VOPP1: variants seen among roughly 807,000 people sequenced by gnomAD.
VOPP1 encodes WW domain binding protein VOPP1.
A neutral mutation model predicts 23.5 loss-of-function variants in VOPP1; 8 were observed. The ratio of observed to expected loss-of-function variants is 0.34; its 90% CI spans 0.20 to 0.61. The LOEUF is 0.61. Among genes scored for constraint, VOPP1 ranks in the 20% least tolerant of loss-of-function variants. The pLI is 0.78. For missense variants in VOPP1, 174 were observed against 238.1 expected (o/e 0.73, Z 1.77); for synonymous variants, 83 against 97.3 (o/e 0.85, Z 0.86).
chr7:55,565,685 A>T (rs1238442473), intron 1 of VOPP1, among the ~76,000 whole-genome samples: 2 of 152,272 alleles, frequency 1.3e-5, no homozygotes, highest in Non-Finnish European at 2.9e-5. Flanking sequence ...GATTAGCAGC[A>T]GCACATGTTA....
intron 4 of VOPP1, among the ~76,000 whole-genome samples, chr7:55,452,539 T>A (rs545166672): frequency 6.6e-6 from 1 of 152,342 alleles, no homozygotes; most frequent in South Asian, 2.1e-4. Context: ...GGAATCACTA[T>A]CTATGACAGC....
At chr7:55,526,558 G>A (rs535619227) in intron 1 of VOPP1, among the ~76,000 whole-genome samples, 35 of 152,306 alleles carry the variant, frequency 2.3e-4, no homozygotes, top group Middle Eastern at 6.8e-3. Flanking sequence ...ACTGAAGCTC[G>A]TGACTCTGGG....
At chr7:55,440,257 G>T (rs1790930991) in intron 4 of VOPP1, among the ~76,000 whole-genome samples, 2 of 152,212 alleles carry the variant, frequency 1.3e-5, no homozygotes, top group South Asian at 4.1e-4. Flanking sequence ...GCTGGCCGGG[G>T]TGGCTCATGT....
intron 1 of VOPP1, among the ~76,000 whole-genome samples, chr7:55,559,422 C>T (rs1164154354): frequency 3.3e-5 from 5 of 152,170 alleles, no homozygotes; most frequent in Non-Finnish European, 7.4e-5. Context: ...GGCCGACCAA[C>T]AGGCCACCAC....
At chr7:55,495,201 C>T (rs944882665) in intron 3 of VOPP1, among the ~76,000 whole-genome samples, 2 of 152,084 alleles carry the variant, frequency 1.3e-5, no homozygotes, top group Admixed American at 1.3e-4. Context: ...AGTTCTCACT[C>T]GGGCCCACTG....
At chr7:55,537,731 G>A (rs1455770418) in intron 1 of VOPP1, 47 of 1,405,030 alleles carry the variant, frequency 3.3e-5, no homozygotes, top group East Asian at 1.8e-4. Context: ...AGAAGCCAGC[G>A]CTTGTGACAG....
At chr7:55,466,771 G>C (rs530115769), downstream of VOPP1, among the ~76,000 whole-genome samples, 29 of 152,286 alleles carry the variant, frequency 1.9e-4, no homozygotes, top group African/African-American at 7.0e-4. Flanking sequence ...GAGATTACAA[G>C]TGTGAGCCAC....
At chr7:55,507,299 C>G (rs1794791634) in intron 2 of VOPP1, among the ~76,000 whole-genome samples, 1 of 152,174 alleles carries the variant, frequency 6.6e-6, no homozygotes, top group Admixed American at 6.5e-5. Context: ...GGGCTGAGAA[C>G]CAAAGACCTA....
At chr7:55,450,286 G>C (rs1791211116) in intron 4 of VOPP1, among the ~76,000 whole-genome samples, 1 of 151,984 alleles carries the variant, frequency 6.6e-6, no homozygotes, top group East Asian at 1.9e-4. Context: ...CTTCTCTTGG[G>C]TGTCCCCAGC....
chr7:55,494,125 C>T (rs532387826), intron 3 of VOPP1, among the ~76,000 whole-genome samples: 7 of 152,060 alleles, frequency 4.6e-5, no homozygotes, highest in African/African-American at 1.2e-4. Context: ...ATGGGGAGCC[C>T]GGAGACCCAA....
chr7:55,435,374 A>G (rs1180409352), downstream of VOPP1, among the ~76,000 whole-genome samples: 2 of 152,212 alleles, frequency 1.3e-5, no homozygotes, highest in African/African-American at 4.8e-5. Context: ...GGAGGCGGAC[A>G]TGGCAGCAGG....
At chr7:55,481,086 G>A (rs868187965) in intron 4 of VOPP1, among the ~76,000 whole-genome samples, 6 of 152,220 alleles carry the variant, frequency 3.9e-5, no homozygotes, top group Admixed American at 1.3e-4. Flanking sequence ...GGAACTGTTG[G>A]GCAGAAGGGG....
chr7:55,439,277 G>A (rs546620910), intron 4 of VOPP1, among the ~76,000 whole-genome samples: 1 of 152,224 alleles, frequency 6.6e-6, no homozygotes, highest in African/African-American at 2.4e-5. Context: ...AGGGAGACAA[G>A]AGTCTGTTTC....
chr7:55,516,164 A>T (rs76001829), intron 2 of VOPP1: 2,758 of 250,406 alleles, frequency 0.011, 17 homozygotes, highest in Middle Eastern at 0.026. Flanking sequence ...ACAGAAAGGC[A>T]CATTTTAATC....
chr7:55,448,870 A>C (rs1198757962), intron 4 of VOPP1, among the ~76,000 whole-genome samples: 4 of 152,208 alleles, frequency 2.6e-5, no homozygotes, highest in Non-Finnish European at 4.4e-5. Flanking sequence ...CTTCAATGAC[A>C]TATTTTATTT....
At chr7:55,525,789 T>A (rs1218027314) in intron 1 of VOPP1, among the ~76,000 whole-genome samples, 9 of 77,972 alleles carry the variant, frequency 1.2e-4, no homozygotes, top group African/African-American at 3.3e-4. Context: ...AAAACCTCTC[T>A]AAAAAAAAAA....
At position 55,567,013 on chromosome 7, in the gene VOPP1, C is replaced by CT. The variant is rs900777542; in HGVS notation, c.54+5257dup. 1.6e-4 allele frequency among the ~76,000 whole-genome samples: 24 copies of CT among 152,214 alleles called. 1 individual carries two copies. The highest frequency in any genetic ancestry group is 1.4e-3 in the Admixed American group (21 of 15,286). On this transcript the variant is annotated intron_variant, in intron 1 of 4. Coordinates refer to ENST00000285279, the MANE Select transcript of VOPP1 (RefSeq NM_030796.5). ...CATTTCCCCTCAATATTACAGAAAA[C>CT]TTTAACAACTGAAGTTGCCCCAAAA...
At chr7:55,451,203 A>G (rs1426910223) in intron 4 of VOPP1, among the ~76,000 whole-genome samples, 1 of 152,174 alleles carries the variant, frequency 6.6e-6, no homozygotes, top group East Asian at 1.9e-4. Flanking sequence ...CAGGCACAGG[A>G]GTGGAACGAG....
intron 2 of VOPP1, 57 bp from the exon 3 acceptor site, chr7:55,497,747 C>T (rs1165692447): frequency 6.7e-7 from 1 of 1,499,674 alleles, no homozygotes; most frequent in Non-Finnish European, 9.3e-7. Context: ...ACCGGACCAG[C>T]CATGCGGCCC....
Sources: gnomAD v4.1 joint callset for allele counts (sites outside exome capture counted in the v4.1 genomes callset) on GRCh38, gnomAD v4.1.1 for gene constraint, MANE v1.5 for transcripts, NCBI Gene and HGNC (gene_info 2026-07-23, HGNC 2026-07-21) for gene names.